ZSWIM6: variants seen among roughly 807,000 people sequenced by gnomAD.
The protein encoded by ZSWIM6 is zinc finger SWIM-type containing 6.
In ZSWIM6, 9 loss-of-function variants were observed where a neutral mutation model predicts 113.2. That is an observed-to-expected ratio of 0.08 (90% CI 0.05 to 0.14). The LOEUF (loss-of-function observed/expected upper bound fraction) is 0.14, where lower values mean the gene tolerates loss of function less well. Ranked by LOEUF, ZSWIM6 falls within the 10% of genes least tolerant of loss-of-function variation. ZSWIM6 has a pLI of 1.00. For synonymous variants in ZSWIM6, 611 were observed against 606.5 expected (o/e 1.01, Z -0.11); for missense variants, 1,162 against 1,552.2 (o/e 0.75, Z 4.22).
At chr5:61,482,306 C>T (rs1747889590) in intron 2 of ZSWIM6, among the ~76,000 whole-genome samples, 1 of 151,920 alleles carries the variant, frequency 6.6e-6, no homozygotes. Context: ...AATGAGAACA[C>T]ATGGACACGG....
intron 1 of ZSWIM6, among the ~76,000 whole-genome samples, chr5:61,372,770 ATTAG>A (rs1383459537): frequency 6.6e-6 from 1 of 152,198 alleles, no homozygotes; most frequent in Non-Finnish European, 1.5e-5. Flanking sequence ...GCTTTTCTCT[ATTAG>A]TTTCCTAGTT....
chr5:61,515,356 A>C (rs1748904214), intron 4 of ZSWIM6, among the ~76,000 whole-genome samples: 1 of 152,054 alleles, frequency 6.6e-6, no homozygotes, highest in Admixed American at 6.6e-5. Context: ...GAGTTTCTCA[A>C]ACTCCTGACC....
intron 4 of ZSWIM6, among the ~76,000 whole-genome samples, chr5:61,505,260 G>A (rs1748571311): frequency 2.0e-5 from 3 of 152,188 alleles, no homozygotes; most frequent in Admixed American, 2.0e-4. Context: ...GCTATTGACA[G>A]TCCTTTTTGC....
At chr5:61,520,539 G>A (rs1325578675) in intron 4 of ZSWIM6, among the ~76,000 whole-genome samples, 1 of 152,038 alleles carries the variant, frequency 6.6e-6, no homozygotes, top group Non-Finnish European at 1.5e-5. Context: ...TAAATTTAGT[G>A]ATTTCAACTA....
At chr5:61,526,020 T>G in intron 6 of ZSWIM6, 44 bp downstream of exon 6, 3 of 1,546,564 alleles carry the variant, frequency 1.9e-6, no homozygotes, top group Non-Finnish European at 2.6e-6. Flanking sequence ...CTTACTTCTT[T>G]GTTTAGTTTC....
At chr5:61,388,913 A>G (rs572891013) in intron 1 of ZSWIM6, among the ~76,000 whole-genome samples, 1 of 152,248 alleles carries the variant, frequency 6.6e-6, no homozygotes, top group Non-Finnish European at 1.5e-5. Flanking sequence ...TTCATGAGTC[A>G]TCAGAAGGAC....
intron 4 of ZSWIM6, among the ~76,000 whole-genome samples, chr5:61,520,426 T>C (rs1749082726): frequency 6.6e-6 from 1 of 152,212 alleles, no homozygotes; most frequent in Non-Finnish European, 1.5e-5. Flanking sequence ...ACCTTAATTA[T>C]TCAAATTATG....
Position 61,434,058 on chromosome 5 carries a change from CATATA to C in ZSWIM6, c.677-38619_677-38615del, listed in dbSNP as rs897664887. ...ATAAAAAATATATGTGTAATAAAAACATATAATAAAATATATGTATAAAATATATG... is the reference window on the plus strand; with the variant it reads ...ATAAAAAATATATGTGTAATAAAAACATAAAATATATGTATAAAATATATG... On this transcript the variant is annotated intron_variant, in intron 1 of 13. Coordinates refer to ENST00000252744, the MANE Select transcript of ZSWIM6 (RefSeq NM_020928.2). 3.4e-4 allele frequency among the ~76,000 whole-genome samples: 47 copies of C among 138,560 alleles called. 1 individual carries two copies. In the Middle Eastern group the frequency reaches 0.031, roughly 90 times the overall value. 90.9% of individuals were successfully genotyped at this position (138,560 alleles called of 152,430 possible).
chr5:61,510,209 G>C (rs957502215), intron 4 of ZSWIM6, among the ~76,000 whole-genome samples: 3 of 151,842 alleles, frequency 2.0e-5, no homozygotes, highest in Non-Finnish European at 1.5e-5. Flanking sequence ...CAATAAGTGT[G>C]TGAGGTGGGG....
Position 61,437,202 on chromosome 5 carries a change from T to C in ZSWIM6, c.677-35479T>C, listed in dbSNP as rs974082303. Among the ~76,000 whole-genome samples, 4 of 152,308 alleles carry C rather than the reference T, an allele frequency of 2.6e-5. No individual in the cohort carries two copies. In the South Asian group the frequency reaches 6.2e-4, roughly 24 times the overall value. On this transcript the variant is annotated intron_variant, in intron 1 of 13. Coordinates refer to ENST00000252744, the MANE Select transcript of ZSWIM6 (RefSeq NM_020928.2). ...AGAGTGGGGTGGGTGACAATGAACATGTACTTGTGGGTTTGTTTTCTGGGA... is the reference window on the plus strand; with the variant it reads ...AGAGTGGGGTGGGTGACAATGAACACGTACTTGTGGGTTTGTTTTCTGGGA...
chr5:61,370,465 T>C (rs1041023182), intron 1 of ZSWIM6, among the ~76,000 whole-genome samples: 3 of 152,280 alleles, frequency 2.0e-5, no homozygotes, highest in African/African-American at 7.2e-5. Context: ...TGGTTTGACA[T>C]TGTATGATAA....
At chr5:61,470,886 A>G (rs533084344) in intron 1 of ZSWIM6, among the ~76,000 whole-genome samples, 1 of 152,274 alleles carries the variant, frequency 6.6e-6, no homozygotes, top group East Asian at 1.9e-4. Context: ...CCTCTGAAAG[A>G]TTTCTTAGGA....
intron 1 of ZSWIM6, among the ~76,000 whole-genome samples, chr5:61,348,701 T>G (rs1744720503): frequency 6.6e-6 from 1 of 152,234 alleles, no homozygotes; most frequent in East Asian, 1.9e-4. Flanking sequence ...GAATTGAGCT[T>G]TGAACCCAAC....
At chr5:61,414,347 G>A (rs182492604) in intron 1 of ZSWIM6, among the ~76,000 whole-genome samples, 35 of 152,270 alleles carry the variant, frequency 2.3e-4, no homozygotes, top group African/African-American at 8.4e-4. Flanking sequence ...CTATTTTGAG[G>A]ATCAGGGGTG....
intron 1 of ZSWIM6, among the ~76,000 whole-genome samples, chr5:61,417,141 C>T (rs901575530): frequency 2.7e-5 from 4 of 150,936 alleles, no homozygotes; most frequent in South Asian, 4.2e-4. Flanking sequence ...AACTCCGTCT[C>T]GAAGAAAAAA....
At chr5:61,455,051 A>G (rs913981918) in intron 1 of ZSWIM6, among the ~76,000 whole-genome samples, 2 of 151,934 alleles carry the variant, frequency 1.3e-5, no homozygotes, top group Non-Finnish European at 2.9e-5. Flanking sequence ...TGTCTTTTTT[A>G]AAAAATAGGT....
intron 4 of ZSWIM6, among the ~76,000 whole-genome samples, chr5:61,510,496 G>C (rs190236518): frequency 7.2e-6 from 1 of 138,398 alleles, no homozygotes; most frequent in African/African-American, 2.7e-5. Flanking sequence ...TTTGTGTGAC[G>C]AATGCTTTTT....
chr5:61,485,119 G>C lies in ZSWIM6; in HGVS notation c.1034-5667G>C, dbSNP rs191113147. 1.3e-4 allele frequency among the ~76,000 whole-genome samples: 20 copies of C among 152,190 alleles called. No individual in the cohort carries two copies. In the East Asian group the frequency reaches 3.3e-3, roughly 25 times the overall value. ...CCTTCCTCGCAGTACTTGATCTCCT[G>C]ATAGTGGCTGGGTGTTAGGAAGCAA... On this transcript the variant is annotated intron_variant, in intron 2 of 13. Coordinates refer to ENST00000252744, the MANE Select transcript of ZSWIM6 (RefSeq NM_020928.2).
At chr5:61,476,642 A>G (rs1248978965) in intron 2 of ZSWIM6, among the ~76,000 whole-genome samples, 2 of 152,210 alleles carry the variant, frequency 1.3e-5, no homozygotes, top group Non-Finnish European at 2.9e-5. Flanking sequence ...AAAACTTTCT[A>G]GCTTCCATAT....
Sources: allele counts gnomAD v4.1 joint callset (sites outside exome capture counted in the v4.1 genomes callset), GRCh38; gene constraint gnomAD v4.1.1; transcripts MANE v1.5; gene names NCBI Gene and HGNC (gene_info 2026-07-23, HGNC 2026-07-21).